OTUD7A: variants seen among roughly 807,000 people sequenced by gnomAD.
The protein encoded by OTUD7A is OTU domain-containing protein 7A.
In OTUD7A, 12 loss-of-function variants were observed where a neutral mutation model predicts 65.7. The ratio of observed to expected loss-of-function variants is 0.18; its 90% CI spans 0.12 to 0.30. The LOEUF is 0.30. Ranked by LOEUF, OTUD7A falls within the 10% of genes least tolerant of loss-of-function variation. OTUD7A has a pLI of 1.00. For synonymous variants in OTUD7A, 641 were observed against 586.3 expected (o/e 1.09, Z -1.35); for missense variants, 1,148 against 1,304.8 (o/e 0.88, Z 1.85).
chr15:31,799,587 A>G (rs1896065373), intron 1 of OTUD7A, among the ~76,000 whole-genome samples: 1 of 152,192 alleles, frequency 6.6e-6, no homozygotes, highest in African/African-American at 2.4e-5. Flanking sequence ...GGACACAGGG[A>G]GAAGGCATCC....
intron 1 of OTUD7A, among the ~76,000 whole-genome samples, chr15:31,865,032 C>A (rs986477577): frequency 2.0e-5 from 2 of 99,748 alleles, no homozygotes; most frequent in Non-Finnish European, 4.7e-5. Flanking sequence ...GTGGCCCCCC[C>A]CTGGGGTTGT....
At chr15:31,508,830 C>T (rs1346962824) in intron 8 of OTUD7A, among the ~76,000 whole-genome samples, 2 of 152,256 alleles carry the variant, frequency 1.3e-5, no homozygotes, top group East Asian at 1.9e-4. Flanking sequence ...TTCTGCTTAG[C>T]GTTGCCTAGG....
At chr15:31,854,297 C>G (rs183150879) in intron 1 of OTUD7A, among the ~76,000 whole-genome samples, 2 of 152,188 alleles carry the variant, frequency 1.3e-5, no homozygotes, top group African/African-American at 4.8e-5. Flanking sequence ...CTGGGGCCCA[C>G]CTGGGTCGTC....
At chr15:31,597,635 C>G (rs1889945886) in intron 3 of OTUD7A, among the ~76,000 whole-genome samples, 1 of 152,124 alleles carries the variant, frequency 6.6e-6, no homozygotes, top group Non-Finnish European at 1.5e-5. Flanking sequence ...ATCACTTTAG[C>G]TGGAAGTCAG....
rs115219746 is a variant in OTUD7A at position 31,848,131 on chromosome 15, T to C, written c.-100+22376A>G. Reference sequence around the variant, plus strand: ...TGCAGAGTCCCTCGAAGAACACACATTCAGTGAGGCAGGCTCATGGCTTAC... The same window carrying C: ...TGCAGAGTCCCTCGAAGAACACACACTCAGTGAGGCAGGCTCATGGCTTAC... On this transcript the variant is annotated intron_variant, in intron 1 of 12. Transcript: ENST00000307050. 7.0e-3 allele frequency among the ~76,000 whole-genome samples: 1,067 copies of C among 152,246 alleles called. 15 individuals are homozygous for C. Among genetic ancestry groups the C allele is most frequent in the African/African-American group, 0.025 (1,025 of 41,544 alleles).
intron 7 of OTUD7A, 105 bp from the exon 8 acceptor site, chr15:31,526,566 C>T: frequency 1.1e-6 from 1 of 876,482 alleles, no homozygotes; most frequent in Non-Finnish European, 1.7e-6. Flanking sequence ...CCAGGCCAGG[C>T]ACATCTGTAG....
chr15:31,504,362 G>A (rs1030162062), intron 8 of OTUD7A, among the ~76,000 whole-genome samples: 17 of 152,290 alleles, frequency 1.1e-4, no homozygotes, highest in Admixed American at 7.2e-4. Context: ...AGCTGGAGGG[G>A]ATGCGATGTG....
At chr15:31,542,305 GAATT>G (rs1888010409) in intron 5 of OTUD7A, among the ~76,000 whole-genome samples, 1 of 151,698 alleles carries the variant, frequency 6.6e-6, no homozygotes, top group Admixed American at 6.6e-5. Context: ...ATACACAAAA[GAATT>G]AAACAAAATA....
chr15:31,787,832 G>C (rs1335681600), intron 1 of OTUD7A: 1 of 152,198 alleles, frequency 6.6e-6, no homozygotes, highest in Non-Finnish European at 1.5e-5. Context: ...CAGTCTTTTA[G>C]AGAAATCAGG....
chr15:31,689,261 AG>A (rs1439783526), intron 1 of OTUD7A: 2 of 149,546 alleles, frequency 1.3e-5, no homozygotes, highest in Non-Finnish European at 3.0e-5. Context: ...TCTGATTTCC[AG>A]GGAGTCCACA....
rs1229756020 is a variant in OTUD7A, at chr15:31,479,478, C to CAAG, written c.*3815_*3816insCTT. On this transcript the variant is annotated 3_prime_UTR_variant, in exon 13 of 13. Transcript: ENST00000307050. Reference sequence around the variant, plus strand: ...CTTCAGCTTTTACTCCAGGTCTCTTCGTAAATAAAAGACTCACATGGAATG... The same window carrying CAAG: ...CTTCAGCTTTTACTCCAGGTCTCTTCAAGGTAAATAAAAGACTCACATGGAATG... 2 of 152,164 alleles carry CAAG rather than the reference C, an allele frequency of 1.3e-5. No homozygotes were observed. Among genetic ancestry groups the CAAG allele is most frequent in the African/African-American group, 4.8e-5 (2 of 41,414 alleles). The allele number at this position is 152,164 out of a possible 1,614,324, so 9.4% of individuals were successfully genotyped here. A position where few individuals can be genotyped will look rare whatever the true frequency, so the allele number is the denominator to read the frequency against.
At chr15:31,719,245 T>G (rs1378593492) in intron 1 of OTUD7A, among the ~76,000 whole-genome samples, 4 of 152,124 alleles carry the variant, frequency 2.6e-5, no homozygotes, top group African/African-American at 7.3e-5. Flanking sequence ...TGCTCGCCCA[T>G]GCATTATGTT....
intron 1 of OTUD7A, among the ~76,000 whole-genome samples, chr15:31,690,181 T>C (rs899875434): frequency 3.3e-5 from 5 of 152,214 alleles, no homozygotes; most frequent in Non-Finnish European, 5.9e-5. Context: ...AAAATGTTGA[T>C]TTGAAATTGC....
chr15:31,651,742 C>T (rs964193594), intron 3 of OTUD7A, among the ~76,000 whole-genome samples: 12 of 152,018 alleles, frequency 7.9e-5, no homozygotes, highest in African/African-American at 2.9e-4. Flanking sequence ...TAAAAAATAC[C>T]ATGTACAATA....
chr15:31,567,979 A>G (rs1336009110), intron 4 of OTUD7A, among the ~76,000 whole-genome samples: 1 of 152,266 alleles, frequency 6.6e-6, no homozygotes, highest in Non-Finnish European at 1.5e-5. Flanking sequence ...GTGTCCAGGC[A>G]GAAGCCTGCA....
intron 1 of OTUD7A, among the ~76,000 whole-genome samples, chr15:31,806,998 G>C (rs1030637252): frequency 2.0e-5 from 3 of 152,270 alleles, no homozygotes; most frequent in African/African-American, 7.2e-5. Flanking sequence ...GGGTGGCCTT[G>C]GCCACATGTG....
At chr15:31,544,689 A>T (rs1414719447) in intron 5 of OTUD7A, among the ~76,000 whole-genome samples, 1 of 151,972 alleles carries the variant, frequency 6.6e-6, no homozygotes, top group Non-Finnish European at 1.5e-5. Context: ...AGAGAAACAC[A>T]ATCATAGTAG....
chr15:31,514,655 T>A (rs2041815797), intron 8 of OTUD7A, among the ~76,000 whole-genome samples: 1 of 152,206 alleles, frequency 6.6e-6, no homozygotes, highest in South Asian at 2.1e-4. Flanking sequence ...ATGTCAGCCA[T>A]CTCCCACCTC....
At chr15:31,654,984 G>A (rs1453385927) in intron 3 of OTUD7A, 112 bp downstream of exon 3, 19 of 1,335,262 alleles carry the variant, frequency 1.4e-5, no homozygotes, top group Non-Finnish European at 1.5e-5. Context: ...GTAACACAAA[G>A]CAAAGCCCAC....
Sources: gnomAD v4.1 joint callset for allele counts (sites outside exome capture counted in the v4.1 genomes callset) on GRCh38, gnomAD v4.1.1 for gene constraint, MANE v1.5 for transcripts, NCBI Gene and HGNC (gene_info 2026-07-23, HGNC 2026-07-21) for gene names.